Variants in SUCLG2 observed in about 807,000 individuals in gnomAD.
SUCLG2 encodes the protein succinate--CoA ligase [GDP-forming] subunit beta, mitochondrial.
SUCLG2 carries 42 observed loss-of-function variants against 47.9 expected under a neutral mutation model. The ratio of observed to expected loss-of-function variants is 0.88; its 90% CI spans 0.69 to 1.14. SUCLG2 has a LOEUF of 1.14. SUCLG2 is among the 50% of genes most tolerant of loss of function. The probability of loss-of-function intolerance (pLI) is 0.00; values close to 1 mark genes in which losing one functional copy is unlikely to be tolerated. For synonymous variants in SUCLG2, 195 were observed against 197.3 expected (o/e 0.99, Z 0.10); for missense variants, 571 against 525.9 (o/e 1.09, Z -0.84).
chr3:67,564,113 A>G (rs1208011860), intron 2 of SUCLG2, among the ~76,000 whole-genome samples: 1 of 152,240 alleles, frequency 6.6e-6, no homozygotes, highest in East Asian at 1.9e-4. Context: ...TTCCTACTAG[A>G]AAAATCAAGT....
Position 67,462,537 on chromosome 3 carries a change from G to A in SUCLG2, c.1062+33261C>T, listed in dbSNP as rs544930854. 2.6e-5 allele frequency among the ~76,000 whole-genome samples: 4 copies of A among 152,328 alleles called. No homozygotes were observed. In the South Asian group the frequency reaches 8.3e-4, roughly 32 times the overall value. ...CTTCTGGACGGCTGAATGCATGGAG[G>A]TTTCTGTAGGGCGGCATGCCCAGGA... On this transcript the variant is annotated intron_variant, in intron 9 of 10. Coordinates refer to ENST00000307227, the MANE Select transcript of SUCLG2 (RefSeq NM_003848.4).
At chr3:67,538,466 G>C (rs910449464) in intron 2 of SUCLG2, among the ~76,000 whole-genome samples, 45 of 152,284 alleles carry the variant, frequency 3.0e-4, no homozygotes, top group African/African-American at 1.1e-3. Flanking sequence ...CTGTAGCCTT[G>C]TAGTGCAGTT....
chr3:67,410,632 A>T (rs1443131531), intron 9 of SUCLG2, among the ~76,000 whole-genome samples: 1 of 152,178 alleles, frequency 6.6e-6, no homozygotes, highest in Non-Finnish European at 1.5e-5. Flanking sequence ...TTTAAAATAA[A>T]TCATGCAAAA....
intron 2 of SUCLG2, among the ~76,000 whole-genome samples, chr3:67,534,386 C>A (rs1706483111): frequency 6.6e-6 from 1 of 151,792 alleles, no homozygotes; most frequent in African/African-American, 2.4e-5. Context: ...ATAAAAATTC[C>A]TAAATTAAAG....
At chr3:67,474,415 C>A (rs1704691383) in intron 9 of SUCLG2, among the ~76,000 whole-genome samples, 1 of 152,156 alleles carries the variant, frequency 6.6e-6, no homozygotes, top group African/African-American at 2.4e-5. Context: ...TTTCGCCGGT[C>A]TCATTCTATA....
At position 67,520,576 on chromosome 3, in the gene SUCLG2, T is replaced by C; in HGVS notation, c.476A>G (p.Asp159Gly). The change falls in exon 5 of 11, where the codon GAC becomes GGC. Residue 159 changes from aspartate (D) to glycine (G), a missense_variant. Transcript: ENST00000307227. Reference sequence around the variant, plus strand: ...CAGCACGGGGCCATTGCAGGACCGGTCCATCAGAATTGCCAGGTAGGTTTC... The same window carrying C: ...CAGCACGGGGCCATTGCAGGACCGGCCCATCAGAATTGCCAGGTAGGTTTC... ...SRETYLAILM[D>G]RSCNGPVLVG... is the part of the protein sequence containing the mutation. The C allele has an allele frequency of 6.2e-7, 1 of 1,614,054 alleles. No homozygotes were observed. Among genetic ancestry groups the C allele is most frequent in the Non-Finnish European group, 8.5e-7 (1 of 1,179,984 alleles).
At chr3:67,458,811 A>T (rs1335352181) in intron 9 of SUCLG2, among the ~76,000 whole-genome samples, 2 of 152,136 alleles carry the variant, frequency 1.3e-5, no homozygotes, top group Non-Finnish European at 2.9e-5. Context: ...TCGTTAAACA[A>T]CTCAGTCTGT....
At chr3:67,484,665 T>C (rs1705006629) in intron 9 of SUCLG2, among the ~76,000 whole-genome samples, 1 of 152,114 alleles carries the variant, frequency 6.6e-6, no homozygotes, top group Non-Finnish European at 1.5e-5. Flanking sequence ...CTGAGCAATT[T>C]TACAGAATTT....
intron 9 of SUCLG2, among the ~76,000 whole-genome samples, chr3:67,424,606 C>A (rs769486626): frequency 1.2e-4 from 18 of 152,164 alleles, no homozygotes; most frequent in African/African-American, 1.4e-4. Context: ...GCCTCCTTTT[C>A]TTGGCTGTAA....
intron 9 of SUCLG2, among the ~76,000 whole-genome samples, chr3:67,492,372 G>A (rs1276709625): frequency 1.3e-5 from 2 of 152,088 alleles, no homozygotes; most frequent in African/African-American, 4.8e-5. Flanking sequence ...TACACCTTTG[G>A]AATTCTAAGT....
intron 9 of SUCLG2, among the ~76,000 whole-genome samples, chr3:67,483,211 G>A (rs1018355587): frequency 1.3e-5 from 2 of 151,698 alleles, no homozygotes; most frequent in Non-Finnish European, 2.9e-5. Flanking sequence ...AAGTTGCTGC[G>A]TAAACTATTT....
intron 10 of SUCLG2, among the ~76,000 whole-genome samples, chr3:67,379,175 G>A (rs1475642785): frequency 2.6e-5 from 4 of 152,142 alleles, no homozygotes; most frequent in Non-Finnish European, 5.9e-5. Flanking sequence ...TTAACCTCCT[G>A]ACCTCAAGTG....
intron 2 of SUCLG2, among the ~76,000 whole-genome samples, chr3:67,580,330 A>G (rs911103686): frequency 6.6e-6 from 1 of 152,224 alleles, no homozygotes; most frequent in Admixed American, 6.5e-5. Context: ...ATTCATATGT[A>G]AGTCTGGAAG....
intron 9 of SUCLG2, among the ~76,000 whole-genome samples, chr3:67,441,827 T>C (rs1205439700): frequency 6.6e-6 from 1 of 152,138 alleles, no homozygotes; most frequent in Non-Finnish European, 1.5e-5. Context: ...CTGCTGTTAA[T>C]GAAAAGAGAA....
chr3:67,542,210 A>C (rs1241196601), intron 2 of SUCLG2, among the ~76,000 whole-genome samples: 1 of 152,162 alleles, frequency 6.6e-6, no homozygotes, highest in Non-Finnish European at 1.5e-5. Flanking sequence ...TCAACCCAGA[A>C]TTTCATATCC....
chr3:67,429,978 T>TA (rs1703432801), intron 9 of SUCLG2, among the ~76,000 whole-genome samples: 1 of 152,144 alleles, frequency 6.6e-6, no homozygotes, highest in South Asian at 2.1e-4. Context: ...CAAAGAGACT[T>TA]AGACTCCCAC....
intron 1 of SUCLG2, among the ~76,000 whole-genome samples, chr3:67,635,015 T>C (rs1284328480): frequency 1.3e-5 from 2 of 152,204 alleles, no homozygotes; most frequent in Non-Finnish European, 2.9e-5. Context: ...ATGAGTAAAG[T>C]GCTTAGGGCA....
intron 2 of SUCLG2, among the ~76,000 whole-genome samples, chr3:67,550,080 A>G (rs1369589738): frequency 6.6e-6 from 1 of 152,198 alleles, no homozygotes. Flanking sequence ...TTCTGAATTC[A>G]GCTGCTAATC....
intron 9 of SUCLG2, among the ~76,000 whole-genome samples, chr3:67,401,157 G>T (rs1037164847): frequency 6.6e-6 from 1 of 151,668 alleles, no homozygotes; most frequent in Admixed American, 6.6e-5. Flanking sequence ...AAATATTATT[G>T]TCTATTCTTT....
Sources: gnomAD v4.1 joint callset for allele counts (sites outside exome capture counted in the v4.1 genomes callset) on GRCh38, gnomAD v4.1.1 for gene constraint, MANE v1.5 for transcripts, NCBI Gene and HGNC (gene_info 2026-07-23, HGNC 2026-07-21) for gene names.